GALNT2: variants seen among roughly 807,000 people sequenced by gnomAD.
The protein encoded by GALNT2 is UDP-GalNAc:polypeptide N-acetylgalactosaminyltransferase 2.
A neutral mutation model predicts 81.4 loss-of-function variants in GALNT2; 31 were observed. That is an observed-to-expected ratio of 0.38 (90% CI 0.29 to 0.51). The LOEUF (loss-of-function observed/expected upper bound fraction) is 0.51, where lower values mean the gene tolerates loss of function less well. Among genes scored for constraint, GALNT2 ranks in the 20% least tolerant of loss-of-function variants. The pLI is 0.87. For synonymous variants in GALNT2, 303 were observed against 287.4 expected, an observed-to-expected ratio of 1.05 and a Z score of -0.55; for missense variants, 629 against 765.7, an observed-to-expected ratio of 0.82 and a Z score of 2.11.
At chr1:230,096,833 C>T (rs973795225) in intron 1 of GALNT2, among the ~76,000 whole-genome samples, 1 of 152,176 alleles carries the variant, frequency 6.6e-6, no homozygotes. Context: ...ACTCAGAGGT[C>T]CTCCAACCCA....
At chr1:230,146,785 A>G (rs897930102) in intron 1 of GALNT2, among the ~76,000 whole-genome samples, 2 of 152,196 alleles carry the variant, frequency 1.3e-5, no homozygotes, top group Admixed American at 6.5e-5. Context: ...ATGGCATGCC[A>G]GGGGCTGCAC....
chr1:230,236,175 G>A, intron 4 of GALNT2, 63 bp downstream of exon 4: 1 of 1,536,820 alleles, frequency 6.5e-7, no homozygotes, highest in Non-Finnish European at 9.0e-7. Context: ...CCCAGGCACA[G>A]TCAGACCAGG....
chr1:230,243,940 G>C lies in GALNT2; in HGVS notation c.729+513G>C, dbSNP rs1665286057. On this transcript the variant is annotated intron_variant, in intron 7 of 15. Coordinates refer to ENST00000366672, the MANE Select transcript of GALNT2 (RefSeq NM_004481.5). This position sits in a 1 kb window ranked among gnomAD's most constrained non-coding sequence, Gnocchi z 4.2. Reference sequence around the variant, plus strand: ...TGTGGCTAGGAAGCATACAGGGACCGGTGGGGTTGTCAGAGGGTGATCCGC... The same window carrying C: ...TGTGGCTAGGAAGCATACAGGGACCCGTGGGGTTGTCAGAGGGTGATCCGC... Among the ~76,000 whole-genome samples, 1 of 152,012 alleles carries C rather than the reference G, an allele frequency of 6.6e-6. No homozygotes were observed. The highest frequency in any genetic ancestry group is 1.5e-5 in the Non-Finnish European group (1 of 68,014).
intron 1 of GALNT2, among the ~76,000 whole-genome samples, chr1:230,072,879 G>A (rs1021164965): frequency 1.3e-5 from 2 of 152,190 alleles, no homozygotes; most frequent in African/African-American, 4.8e-5. Context: ...CATGCTGATT[G>A]TCACCCCTGC....
At chr1:230,223,891 A>G (rs1270023147) in intron 3 of GALNT2, among the ~76,000 whole-genome samples, 2 of 152,200 alleles carry the variant, frequency 1.3e-5, no homozygotes, top group African/African-American at 2.4e-5. Context: ...ACTTGGGACA[A>G]TCAGAACTGC....
chr1:230,136,490 C>T (rs1249129483), intron 1 of GALNT2, among the ~76,000 whole-genome samples: 1 of 152,180 alleles, frequency 6.6e-6, no homozygotes, highest in Non-Finnish European at 1.5e-5. Flanking sequence ...CTTTCTCTCC[C>T]GGATGTGAGT....
chr1:230,136,856 C>T (rs1215029234), intron 1 of GALNT2, among the ~76,000 whole-genome samples: 1 of 152,136 alleles, frequency 6.6e-6, no homozygotes, highest in Admixed American at 6.5e-5. Context: ...TTGAAATCAC[C>T]CTCAGACCGA....
intron 1 of GALNT2, among the ~76,000 whole-genome samples, chr1:230,169,168 A>G (rs10864728): frequency 0.5 from 76,459 of 152,030 alleles, 20,616 homozygotes; most frequent in Non-Finnish European, 0.61. Flanking sequence ...TTATGGAGAG[A>G]AAGGGAAGTT....
At chr1:230,058,767 G>T (rs985742667) in intron 1 of GALNT2, among the ~76,000 whole-genome samples, 1 of 152,166 alleles carries the variant, frequency 6.6e-6, no homozygotes, top group Admixed American at 6.5e-5. Context: ...TGGGAAGACA[G>T]CAGCAGGTGG....
At chr1:230,071,129 A>G (rs560724003) in intron 1 of GALNT2, among the ~76,000 whole-genome samples, 1 of 152,358 alleles carries the variant, frequency 6.6e-6, no homozygotes, top group African/African-American at 2.4e-5. Context: ...TCCCCTTGAA[A>G]GTGTAGTGAA....
At chr1:230,080,667 C>T (rs1659699260) in intron 1 of GALNT2, among the ~76,000 whole-genome samples, 1 of 152,130 alleles carries the variant, frequency 6.6e-6, no homozygotes, top group African/African-American at 2.4e-5. Context: ...AGAGAGGATG[C>T]ATAGCACAGG....
At chr1:230,152,217 T>C (rs1662113472) in intron 1 of GALNT2, among the ~76,000 whole-genome samples, 1 of 152,186 alleles carries the variant, frequency 6.6e-6, no homozygotes, top group African/African-American at 2.4e-5. Context: ...TTGCTTTGGC[T>C]CACATGCCTC....
At chr1:230,197,393 A>G (rs1470423337) in intron 2 of GALNT2, among the ~76,000 whole-genome samples, 2 of 152,150 alleles carry the variant, frequency 1.3e-5, no homozygotes, top group Non-Finnish European at 2.9e-5. Context: ...ACCCCCATAA[A>G]GAAAGCAGGG....
In GALNT2 at chr1:230,281,349, A is replaced by G. The variant is rs1280553115; in HGVS notation, c.*1891A>G. 1.3e-5 allele frequency: 2 copies of G among 149,712 alleles called. No individual in the cohort carries two copies. The highest frequency in any genetic ancestry group is 4.0e-4 in the East Asian group (2 of 5,004). The allele number at this position is 149,712 out of a possible 1,614,324, so 9.3% of individuals were successfully genotyped here. ...TGCCCCCACGCTGGAGTAACTCCGC[A>G]CGCTTCTGTCTTTCACGGTGGGCGC... On this transcript the variant is annotated 3_prime_UTR_variant, in exon 16 of 16. Coordinates refer to ENST00000366672, the MANE Select transcript of GALNT2 (RefSeq NM_004481.5).
At chr1:230,251,009 A>G (rs552085846) in intron 10 of GALNT2, among the ~76,000 whole-genome samples, 17 of 152,222 alleles carry the variant, frequency 1.1e-4, no homozygotes, top group African/African-American at 4.1e-4. Flanking sequence ...CTTCTCGACT[A>G]CCTTTGCGAA....
chr1:230,221,633 C>T (rs1664550759), intron 3 of GALNT2, among the ~76,000 whole-genome samples: 1 of 152,198 alleles, frequency 6.6e-6, no homozygotes, highest in South Asian at 2.1e-4. Flanking sequence ...TCTTTAGATG[C>T]TTCAGAAAAA....
chr1:230,191,190 G>A (rs556912404), intron 2 of GALNT2, among the ~76,000 whole-genome samples: 3 of 152,362 alleles, frequency 2.0e-5, no homozygotes, highest in South Asian at 2.1e-4. Context: ...AAGCAGTCAC[G>A]TGACATCCAG....
chr1:230,057,868 C>G, upstream of GALNT2: 1 of 347,734 alleles, frequency 2.9e-6, no homozygotes, highest in Non-Finnish European at 5.8e-6. Context: ...GTAGCAACCA[C>G]AGGCAGGAGG....
At chr1:230,220,281 GTT>G (rs11341968) in intron 3 of GALNT2, among the ~76,000 whole-genome samples, 32 of 148,024 alleles carry the variant, frequency 2.2e-4, no homozygotes, top group African/African-American at 5.4e-4. Flanking sequence ...AGGTGTTTTT[GTT>G]TTTTTTTTTA....
Sources: allele counts gnomAD v4.1 joint callset (sites outside exome capture counted in the v4.1 genomes callset), GRCh38; gene constraint gnomAD v4.1.1; non-coding constraint Gnocchi (gnomAD v3.1); transcripts MANE v1.5; gene names NCBI Gene and HGNC (gene_info 2026-07-23, HGNC 2026-07-21).